The following SLC36A1 variants were observed in gnomAD, a reference collection of about 807,000 sequenced individuals.
SLC36A1 encodes the protein solute carrier family 36 member 1, also known as proton-coupled amino acid transporter 1.
A neutral mutation model predicts 47.5 loss-of-function variants in SLC36A1; 30 were observed. The observed-to-expected ratio is 0.63, with a 90% CI of 0.47 to 0.86. The LOEUF (loss-of-function observed/expected upper bound fraction) is 0.86, where lower values mean the gene tolerates loss of function less well. Ranked by LOEUF, SLC36A1 falls within the 40% of genes least tolerant of loss-of-function variation. The pLI, the probability that SLC36A1 is intolerant of heterozygous loss-of-function variation, is 0.00. For synonymous variants in SLC36A1, 255 were observed against 249.7 expected, an observed-to-expected ratio of 1.02 and a Z score of -0.20; for missense variants, 517 against 606.0, an observed-to-expected ratio of 0.85 and a Z score of 1.54.
the SLC36A1 span, among the ~76,000 whole-genome samples, chr5:151,552,413 G>A: frequency 1.3e-5 from 2 of 152,170 alleles, no homozygotes; most frequent in South Asian, 4.1e-4. Context: ...CTTGGGTCAA[G>A]GGCATATATC....
At chr5:151,503,017 A>G in the SLC36A1 span, among the ~76,000 whole-genome samples, 1 of 148,380 alleles carries the variant, frequency 6.7e-6, no homozygotes, top group Non-Finnish European at 1.5e-5. Context: ...TTCCAACTAT[A>G]TGACATGCTG....
the SLC36A1 span, among the ~76,000 whole-genome samples, chr5:151,393,830 T>C: frequency 6.6e-6 from 1 of 152,210 alleles, no homozygotes; most frequent in Middle Eastern, 3.2e-3. Flanking sequence ...CTGGCTGCCC[T>C]TAACATTTTT....
chr5:151,523,729 A>G, the SLC36A1 span, among the ~76,000 whole-genome samples: 1 of 152,076 alleles, frequency 6.6e-6, no homozygotes, highest in South Asian at 2.1e-4. Flanking sequence ...AGGGCCATCT[A>G]CCAATCCTCT....
chr5:151,373,569 T>TA, the SLC36A1 span, among the ~76,000 whole-genome samples: 1 of 152,132 alleles, frequency 6.6e-6, no homozygotes, highest in Non-Finnish European at 1.5e-5. Flanking sequence ...AGCCTTTTTT[T>TA]AAAAAAACAA....
chr5:151,525,891 G>A, the SLC36A1 span: 10 of 1,614,074 alleles, frequency 6.2e-6, no homozygotes, highest in Non-Finnish European at 8.5e-6. Context: ...GAAACGAGTA[G>A]GGGGGGCCAT....
chr5:151,528,133 C>A, the SLC36A1 span: 285 of 1,613,678 alleles, frequency 1.8e-4, no homozygotes, highest in Non-Finnish European at 2.4e-4. Context: ...GTCGCTGATA[C>A]CTGCGGTGGG....
At chr5:151,367,462 C>G in the SLC36A1 span, among the ~76,000 whole-genome samples, 2 of 150,668 alleles carry the variant, frequency 1.3e-5, no homozygotes, top group Non-Finnish European at 2.9e-5. Flanking sequence ...AGGCTCTGTG[C>G]AAGAAGAAAA....
chr5:151,453,347 A>G (rs1490352930), intron 1 of SLC36A1, among the ~76,000 whole-genome samples: 1 of 152,082 alleles, frequency 6.6e-6, no homozygotes, highest in African/African-American at 2.4e-5. Flanking sequence ...TCATTGCAAT[A>G]TATAATCAGT....
At chr5:151,345,435 C>T in the SLC36A1 span, among the ~76,000 whole-genome samples, 1 of 152,148 alleles carries the variant, frequency 6.6e-6, no homozygotes, top group Admixed American at 6.5e-5. Flanking sequence ...TTAAAAGATG[C>T]TATTTTAAAA....
chr5:151,346,329 C>A, the SLC36A1 span, among the ~76,000 whole-genome samples: 3 of 152,304 alleles, frequency 2.0e-5, no homozygotes, highest in South Asian at 4.1e-4. Context: ...TGTGTCCATC[C>A]CTAAATTGTC....
chr5:151,442,027 A>C (rs2127441393), intron 1 of SLC36A1, among the ~76,000 whole-genome samples: 1 of 152,100 alleles, frequency 6.6e-6, no homozygotes, highest in East Asian at 1.9e-4. Context: ...TAAATGAAAT[A>C]TTTTCCTAAT....
chr5:151,438,381 C>A (rs536907166), intron 1 of SLC36A1, among the ~76,000 whole-genome samples: 2 of 148,982 alleles, frequency 1.3e-5, no homozygotes, highest in African/African-American at 2.5e-5. Context: ...AAAGAACAGG[C>A]TGTTCTTAAC....
chr5:151,551,955 ATACTT>A, the SLC36A1 span, among the ~76,000 whole-genome samples: 2 of 150,962 alleles, frequency 1.3e-5, no homozygotes, highest in African/African-American at 4.9e-5. Context: ...TTATAAAACA[ATACTT>A]TAATATAACC....
At chr5:151,522,850 A>AC in the SLC36A1 span, among the ~76,000 whole-genome samples, 2 of 152,118 alleles carry the variant, frequency 1.3e-5, no homozygotes, top group African/African-American at 4.8e-5. Context: ...AGCAGGCCTG[A>AC]CCTCACTGAT....
the SLC36A1 span, chr5:151,546,094 G>C: frequency 6.2e-7 from 1 of 1,613,956 alleles, no homozygotes; most frequent in Non-Finnish European, 8.5e-7. Context: ...AAGGAGGATT[G>C]GGGAACCAAC....
the SLC36A1 span, chr5:151,551,658 A>T: frequency 2.5e-6 from 4 of 1,592,648 alleles, no homozygotes; most frequent in South Asian, 1.1e-5. Context: ...TTTAGGCAGC[A>T]TAGCATAAGA....
the SLC36A1 span, among the ~76,000 whole-genome samples, chr5:151,427,974 T>TGCA: frequency 2.6e-5 from 4 of 152,172 alleles, no homozygotes; most frequent in Admixed American, 2.6e-4. Context: ...CAGAGGCCAC[T>TGCA]GCAGCAGCAG....
At chr5:151,468,262 A>AT (rs1554113467) in intron 7 of SLC36A1, among the ~76,000 whole-genome samples, 44 of 81,096 alleles carry the variant, frequency 5.4e-4, no homozygotes, top group African/African-American at 3.2e-3. Context: ...AAAAAAAAAA[A>AT]AAAAATATAT....
intron 1 of SLC36A1, chr5:151,452,614 A>T (rs974032333): frequency 1.3e-5 from 2 of 152,206 alleles, no homozygotes; most frequent in Non-Finnish European, 2.9e-5. Flanking sequence ...CTTGCCTGTA[A>T]TCCCATCACT....
Sources: allele counts gnomAD v4.1 joint callset (sites outside exome capture counted in the v4.1 genomes callset), GRCh38; gene constraint gnomAD v4.1.1; transcripts MANE v1.5; gene names NCBI Gene and HGNC (gene_info 2026-07-23, HGNC 2026-07-21).